GALNT14: variants seen among roughly 807,000 people sequenced by gnomAD.
GALNT14 encodes polypeptide N-acetylgalactosaminyltransferase 14.
Under a neutral mutation model 77.5 loss-of-function variants are expected in GALNT14, and 60 were observed. The observed-to-expected ratio is 0.77, with a 90% CI of 0.63 to 0.96. The LOEUF (loss-of-function observed/expected upper bound fraction) is 0.96, where lower values mean the gene tolerates loss of function less well. Among genes scored for constraint, GALNT14 ranks in the 40% least tolerant of loss-of-function variants. GALNT14 has a pLI of 0.00. For synonymous variants in GALNT14, 280 were observed against 281.7 expected (o/e 0.99, Z 0.06); for missense variants, 710 against 731.0 (o/e 0.97, Z 0.33).
chr2:30,902,591 A>G, the GALNT14 span, among the ~76,000 whole-genome samples: 1 of 152,116 alleles, frequency 6.6e-6, no homozygotes. Flanking sequence ...CTTTGCCCCC[A>G]TTCCTTTGGG....
intron 1 of GALNT14, among the ~76,000 whole-genome samples, chr2:31,123,696 G>C (rs1176639031): frequency 6.6e-6 from 1 of 152,178 alleles, no homozygotes; most frequent in Non-Finnish European, 1.5e-5. Flanking sequence ...TTCAACCACA[G>C]TTTTCTGAGC....
downstream of GALNT14, among the ~76,000 whole-genome samples, chr2:30,905,828 T>A (rs375078743): frequency 7.3e-5 from 11 of 151,026 alleles, no homozygotes; most frequent in East Asian, 3.9e-4. Flanking sequence ...CGGGTTACCC[T>A]CAAAGGGAAG....
At chr2:30,919,419 A>T (rs1365192540) in intron 13 of GALNT14, among the ~76,000 whole-genome samples, 2 of 152,066 alleles carry the variant, frequency 1.3e-5, no homozygotes, top group East Asian at 3.9e-4. Context: ...CAGAGGACAA[A>T]ACAGTCTCCT....
chr2:31,116,593 TAGG>T (rs527958474), intron 1 of GALNT14, among the ~76,000 whole-genome samples: 80 of 152,064 alleles, frequency 5.3e-4, no homozygotes, highest in Non-Finnish European at 1.0e-3. Context: ...CTCTTGATAG[TAGG>T]AGATTTTGAT....
intron 1 of GALNT14, among the ~76,000 whole-genome samples, chr2:31,077,287 C>G (rs1359119068): frequency 6.6e-6 from 1 of 152,192 alleles, no homozygotes; most frequent in Non-Finnish European, 1.5e-5. Context: ...TTACAAGCTA[C>G]AAATCTTCCC....
chr2:30,924,617 T>C (rs1665247502), intron 12 of GALNT14, 123 bp downstream of exon 12: 4 of 756,756 alleles, frequency 5.3e-6, no homozygotes, highest in African/African-American at 3.5e-5. Flanking sequence ...ACTGGTCTTC[T>C]TACACCTCTG....
chr2:30,921,437 G>A (rs1025897798), intron 13 of GALNT14, among the ~76,000 whole-genome samples: 1 of 152,176 alleles, frequency 6.6e-6, no homozygotes, highest in African/African-American at 2.4e-5. Context: ...AGGCAGTCAC[G>A]CCTTAAGCAA....
At chr2:31,033,728 C>A (rs1202486873) in intron 1 of GALNT14, among the ~76,000 whole-genome samples, 1 of 152,134 alleles carries the variant, frequency 6.6e-6, no homozygotes, top group African/African-American at 2.4e-5. Flanking sequence ...ATCCCCAGCC[C>A]ATTCCAGCTT....
chr2:30,957,862 C>G (rs1042099991), intron 4 of GALNT14, among the ~76,000 whole-genome samples: 1 of 152,204 alleles, frequency 6.6e-6, no homozygotes, highest in Non-Finnish European at 1.5e-5. Context: ...GAGGTGTCGG[C>G]ACTACCAGTA....
intron 1 of GALNT14, among the ~76,000 whole-genome samples, chr2:31,132,871 G>C (rs1679056310): frequency 6.6e-6 from 1 of 152,146 alleles, no homozygotes; most frequent in African/African-American, 2.4e-5. Flanking sequence ...CTCCCCAGTT[G>C]CTCCTAGGGA....
chr2:31,079,035 G>A (rs917059171), intron 1 of GALNT14: 216 of 1,277,180 alleles, frequency 1.7e-4, no homozygotes, highest in Non-Finnish European at 2.1e-4. Context: ...AAATGGGTAG[G>A]CTCAGGTGTC....
intron 1 of GALNT14, chr2:31,129,543 A>G: frequency 5.1e-6 from 5 of 985,418 alleles, no homozygotes; most frequent in Non-Finnish European, 6.0e-6. Context: ...GCCTTAATTA[A>G]TCCACAGACC....
intron 1 of GALNT14, among the ~76,000 whole-genome samples, chr2:31,071,658 G>A (rs897117530): frequency 2.6e-5 from 4 of 152,068 alleles, no homozygotes; most frequent in South Asian, 2.1e-4. Flanking sequence ...TCTGCCCCCC[G>A]GTTTCTAAGG....
chr2:31,118,940 T>C (rs1245457425), intron 1 of GALNT14, among the ~76,000 whole-genome samples: 1 of 152,182 alleles, frequency 6.6e-6, no homozygotes, highest in Admixed American at 6.5e-5. Flanking sequence ...GGAAATTATA[T>C]GACAAAGTGG....
rs368934517 is a variant in GALNT14 at position 30,958,479 on chromosome 2, C to G, written c.399-15G>C. ...GGTTTAATACACTGCAAGATGGAAACAGAAAAAAATCACTGGAACTTCTAG... is the reference window on the plus strand; with the variant it reads ...GGTTTAATACACTGCAAGATGGAAAGAGAAAAAAATCACTGGAACTTCTAG... On this transcript the variant is annotated splice_polypyrimidine_tract_variant and intron_variant, in intron 3 of 14. Coordinates refer to ENST00000349752, the MANE Select transcript of GALNT14 (RefSeq NM_024572.4). 2.7e-5 allele frequency: 44 copies of G among 1,610,502 alleles called. No homozygotes were observed. The highest frequency in any genetic ancestry group is 1.3e-4 in the Admixed American group (8 of 59,504).
chr2:31,099,798 T>G (rs1250981537), intron 1 of GALNT14, among the ~76,000 whole-genome samples: 1 of 152,044 alleles, frequency 6.6e-6, no homozygotes, highest in East Asian at 1.9e-4. Flanking sequence ...TGACACACTA[T>G]AATAAATTCA....
intron 6 of GALNT14, among the ~76,000 whole-genome samples, chr2:30,954,900 T>A (rs779093149): frequency 6.6e-6 from 1 of 152,200 alleles, no homozygotes; most frequent in Non-Finnish European, 1.5e-5. Context: ...AGAATGGCTA[T>A]AGGAGTCAAT....
In GALNT14 at chr2:30,932,151, G is replaced by A. The variant is rs148988791; in HGVS notation, c.975C>T (p.Ile325=). Residue 325 remains isoleucine, a synonymous_variant, in exon 10 of 15, where the codon ATC becomes ATT. Coordinates refer to ENST00000349752, the MANE Select transcript of GALNT14 (RefSeq NM_024572.4). ...CGTGCCCCACTCGGCTGCAGGGGAC[G>A]ATCTCTAGGCTGCCCCCGCACATCC... The part of the protein sequence containing the change: ...RVWMCGGSLE[I]VPCSRVGHVF... The A allele has an allele frequency of 5.7e-5, 89 of 1,567,226 alleles. No homozygotes were observed. In the African/African-American group the frequency reaches 9.9e-4, roughly 17 times the overall value.
intron 1 of GALNT14, among the ~76,000 whole-genome samples, chr2:31,051,050 G>A (rs183371347): frequency 6.6e-6 from 1 of 152,232 alleles, no homozygotes; most frequent in African/African-American, 2.4e-5. Context: ...AAGAAAGTTC[G>A]CTGGATGGAG....
Sources: gnomAD v4.1 joint callset for allele counts (sites outside exome capture counted in the v4.1 genomes callset) on GRCh38, gnomAD v4.1.1 for gene constraint, MANE v1.5 for transcripts, NCBI Gene and HGNC (gene_info 2026-07-23, HGNC 2026-07-21) for gene names.